Variants in TVP23A observed in about 807,000 individuals in gnomAD.
TVP23A encodes the protein Golgi apparatus membrane protein TVP23 homolog A.
Under a neutral mutation model 31.7 loss-of-function variants are expected in TVP23A, and 21 were observed. The observed-to-expected ratio is 0.66, with a 90% CI of 0.47 to 0.95. The LOEUF is 0.95. TVP23A is among the 40% of genes least tolerant of loss of function. The pLI is 0.00. For missense variants in TVP23A, 279 were observed against 255.6 expected (o/e 1.09, Z -0.62); for synonymous variants, 104 against 96.0 (o/e 1.08, Z -0.49).
chr16:10,765,719 AG>A (rs368424541), downstream of TVP23A, among the ~76,000 whole-genome samples: 17 of 152,280 alleles, frequency 1.1e-4, no homozygotes, highest in Middle Eastern at 3.4e-3. This position sits in a 1 kb window ranked among gnomAD's most constrained non-coding sequence, Gnocchi z 4.0. Context: ...CTTTCCTTTC[AG>A]GGCCACTTTT....
intron 2 of TVP23A, chr16:10,775,415 C>T (rs2031941317): frequency 8.8e-7 from 1 of 1,135,732 alleles, no homozygotes; most frequent in South Asian, 2.5e-5. Context: ...CAGTCACTGC[C>T]TTCCCGCCTA....
At chr16:10,808,063 A>G (rs1382774515) in intron 2 of TVP23A, among the ~76,000 whole-genome samples, 1 of 152,202 alleles carries the variant, frequency 6.6e-6, no homozygotes, top group African/African-American at 2.4e-5. Context: ...CAAGTCACTC[A>G]GCTCTCTCTG....
intron 2 of TVP23A, among the ~76,000 whole-genome samples, chr16:10,790,282 T>A (rs1345830191): frequency 0.011 from 1,461 of 133,646 alleles, 19 homozygotes; most frequent in African/African-American, 0.049. Context: ...GGGTAAAATT[T>A]TTTTTTTTTT....
intron 2 of TVP23A, among the ~76,000 whole-genome samples, chr16:10,795,475 T>G (rs1427332216): frequency 1.3e-5 from 2 of 152,100 alleles, no homozygotes; most frequent in East Asian, 3.9e-4. Context: ...AGTCTCGAAC[T>G]CCTGACCTCA....
At chr16:10,795,002 G>C (rs1239288078) in intron 2 of TVP23A, among the ~76,000 whole-genome samples, 1 of 152,076 alleles carries the variant, frequency 6.6e-6, no homozygotes, top group Non-Finnish European at 1.5e-5. Context: ...GGGATCCCTG[G>C]AGAAATGGCA....
chr16:10,801,487 C>T (rs376611995), intron 2 of TVP23A, among the ~76,000 whole-genome samples: 19 of 152,004 alleles, frequency 1.2e-4, no homozygotes, highest in African/African-American at 4.1e-4. Flanking sequence ...TCCTGAGTCT[C>T]GCTCTGTCAC....
At chr16:10,761,772 T>A (rs780789103), downstream of TVP23A, 2 of 1,613,872 alleles carry the variant, frequency 1.2e-6, no homozygotes, top group Non-Finnish European at 1.7e-6. Flanking sequence ...ATCTCAGATA[T>A]TCCCTCCCAC....
downstream of TVP23A, among the ~76,000 whole-genome samples, chr16:10,758,543 GT>G (rs562688843): frequency 2.0e-5 from 3 of 151,470 alleles, no homozygotes; most frequent in South Asian, 4.2e-4. Context: ...CAACGATTTG[GT>G]TTTTTTTTAG....
rs2031013671 is a variant in TVP23A at position 10,767,211 on chromosome 16, G to A, written c.*1891C>T. 2 of 399,730 alleles carry A rather than the reference G, an allele frequency of 5.0e-6. No individual in the cohort carries two copies. The highest frequency in any genetic ancestry group is 2.5e-4 in the South Asian group (2 of 7,880). 24.8% of individuals were successfully genotyped at this position (399,730 alleles called of 1,614,324 possible). On this transcript the variant is annotated 3_prime_UTR_variant, in exon 8 of 8. Coordinates refer to ENST00000299866, the MANE Select transcript of TVP23A (RefSeq NM_001079512.4). This position sits in a 1 kb window ranked among gnomAD's most constrained non-coding sequence, Gnocchi z 4.6. ...GTCCACCCACGACTGGGGGCTGGCAGGGCAGACTGGAGGCGAGAACACCCC... is the reference window on the plus strand; with the variant it reads ...GTCCACCCACGACTGGGGGCTGGCAAGGCAGACTGGAGGCGAGAACACCCC...
chr16:10,786,832 C>A (rs118040382), intron 2 of TVP23A, among the ~76,000 whole-genome samples: 2 of 151,928 alleles, frequency 1.3e-5, no homozygotes, highest in African/African-American at 4.8e-5. Flanking sequence ...AGAAAGAAAT[C>A]GGCAGAAGCA....
At chr16:10,800,010 T>TC (rs1168420468) in intron 2 of TVP23A, among the ~76,000 whole-genome samples, 1 of 129,402 alleles carries the variant, frequency 7.7e-6, no homozygotes, top group African/African-American at 3.5e-5. Flanking sequence ...GTGGGGTTCT[T>TC]TTTTTTTTTT....
In TVP23A at chr16:10,818,470, T is replaced by TC. The variant is rs1228135964; in HGVS notation, c.9+14dup. On this transcript the variant is annotated intron_variant, in intron 1 of 7. Coordinates refer to ENST00000299866, the MANE Select transcript of TVP23A (RefSeq NM_001079512.4). This position sits in a 1 kb window ranked among gnomAD's most constrained non-coding sequence, Gnocchi z 4.7. ...TCCCGCCCCGCCTCCAGCCCCAGCA[T>TC]CCCCGAGGCCCTACCTGCTTCATCA... 1 of 1,604,342 alleles carries TC rather than the reference T, an allele frequency of 6.2e-7. No homozygotes were observed. The highest frequency in any genetic ancestry group is 8.5e-7 in the Non-Finnish European group (1 of 1,178,522).
At chr16:10,759,626 A>C (rs986285467), downstream of TVP23A, among the ~76,000 whole-genome samples, 4 of 152,130 alleles carry the variant, frequency 2.6e-5, no homozygotes, top group African/African-American at 9.7e-5. This position sits in a 1 kb window ranked among gnomAD's most constrained non-coding sequence, Gnocchi z 4.7. Context: ...AAATACAAAA[A>C]TTAGCCAGGC....
At chr16:10,797,997 C>G (rs1051023190) in intron 2 of TVP23A, among the ~76,000 whole-genome samples, 2 of 146,992 alleles carry the variant, frequency 1.4e-5, no homozygotes, top group Admixed American at 1.4e-4. Context: ...GCTCTGTCTC[C>G]CAGGCTGGAG....
At chr16:10,806,560 G>A (rs1210903557) in intron 2 of TVP23A, among the ~76,000 whole-genome samples, 2 of 152,132 alleles carry the variant, frequency 1.3e-5, no homozygotes, top group Admixed American at 1.3e-4. Flanking sequence ...GGAGTGCAGT[G>A]GCACAATCTC....
downstream of TVP23A, among the ~76,000 whole-genome samples, chr16:10,758,756 A>G (rs1182807052): frequency 6.6e-6 from 1 of 152,182 alleles, no homozygotes; most frequent in Non-Finnish European, 1.5e-5. Flanking sequence ...CCAGTTTTCA[A>G]CAGAACCAGC....
At chr16:10,775,893 C>T (rs1310909585) in intron 2 of TVP23A, among the ~76,000 whole-genome samples, 2 of 150,570 alleles carry the variant, frequency 1.3e-5, no homozygotes, top group Non-Finnish European at 3.0e-5. Context: ...AGATTATAGG[C>T]GCCTGCCACC....
chr16:10,761,949 G>A, downstream of TVP23A: 2 of 984,084 alleles, frequency 2.0e-6, no homozygotes, highest in Non-Finnish European at 3.1e-6. Context: ...TACAGAGAGG[G>A]GCAATGGAAG....
At chr16:10,817,238 C>T (rs369948997) in intron 2 of TVP23A, among the ~76,000 whole-genome samples, 50 of 152,334 alleles carry the variant, frequency 3.3e-4, no homozygotes, top group African/African-American at 1.2e-3. Context: ...TTTGTTCTAG[C>T]GGCCATAGGA....
Sources: allele counts gnomAD v4.1 joint callset (sites outside exome capture counted in the v4.1 genomes callset), GRCh38; gene constraint gnomAD v4.1.1; non-coding constraint Gnocchi (gnomAD v3.1); transcripts MANE v1.5; gene names NCBI Gene and HGNC (gene_info 2026-07-23, HGNC 2026-07-21).